The following RBBP4 variants were observed in gnomAD, a reference collection of about 807,000 sequenced individuals.
RBBP4 encodes histone-binding protein RBBP4.
Under a neutral mutation model 57.2 loss-of-function variants are expected in RBBP4, and 3 were observed. The ratio of observed to expected loss-of-function variants is 0.05; its 90% confidence interval spans 0.02 to 0.14. RBBP4 has a LOEUF of 0.14. RBBP4 is among the 10% of genes least tolerant of loss of function. The pLI is 1.00. For synonymous variants in RBBP4, 151 were observed against 171.5 expected (o/e 0.88, Z 0.93); for missense variants, 107 against 520.6 (o/e 0.21, Z 7.73).
rs757594918 is a variant in RBBP4, at chr1:32,668,868, C to G, written c.600+14C>G. On this transcript the variant is annotated intron_variant, in intron 5 of 11. Transcript: ENST00000373493. ...TCAGATGACCATGTGTGTATCCTTC[C>G]CATTTTGAAGCAAATCTGGGCTAGT... 1 of 1,613,420 alleles carries G rather than the reference C, an allele frequency of 6.2e-7. No individual in the cohort carries two copies. Among genetic ancestry groups the G allele is most frequent in the South Asian group, 1.1e-5 (1 of 91,062 alleles).
chr1:32,664,839 C>T (rs2148523514), intron 3 of RBBP4, among the ~76,000 whole-genome samples: 1 of 152,168 alleles, frequency 6.6e-6, no homozygotes, highest in East Asian at 1.9e-4. Flanking sequence ...CCAATCACTG[C>T]AGTAAAGCAA....
In RBBP4 at chr1:32,680,884, C is replaced by CA. The variant is rs1553197484; in HGVS notation, c.*1179_*1180insA. The CA allele has an allele frequency of 4.0e-6, 1 of 252,286 alleles. No homozygotes were observed. The highest frequency in any genetic ancestry group is 7.5e-6 in the Non-Finnish European group (1 of 133,672). 15.6% of individuals were successfully genotyped at this position (252,286 alleles called of 1,614,324 possible). On this transcript the variant is annotated 3_prime_UTR_variant, in exon 12 of 12. Transcript: ENST00000373493. ...CACAGATTAGTCTTTGATAAGGTAA[C>CA]GTTTCTTTGAAGTCTATCTGTAGAG...
At position 32,680,359 on chromosome 1, in the gene RBBP4, T is replaced by G. The variant is rs1649354272; in HGVS notation, c.*654T>G. 1.5e-5 allele frequency: 6 copies of G among 404,968 alleles called. No individual in the cohort carries two copies. Among genetic ancestry groups the G allele is most frequent in the South Asian group, 1.8e-4 (2 of 11,330 alleles). The allele number at this position is 404,968 out of a possible 1,614,324, so 25.1% of individuals were successfully genotyped here. On this transcript the variant is annotated 3_prime_UTR_variant, in exon 12 of 12. Transcript: ENST00000373493. ...TGGTGTTTTTTTTTTTGTTGTTGGT[T>G]TTTTTTTTTTTTTTTTTAACTTGGG... is the stretch of plus-strand genomic sequence containing the variant.
In RBBP4 at chr1:32,669,189, A is replaced by C. The variant is rs755495114; in HGVS notation, c.762-42A>C. 2 of 1,610,622 alleles carry C rather than the reference A, an allele frequency of 1.2e-6. No individual in the cohort carries two copies. The highest frequency in any genetic ancestry group is 4.5e-5 in the East Asian group (2 of 44,832). ...TCTTGTCTAAGTTTTATGTTTAGTC[A>C]CCATTTCAAGGTTTTTTTCCTTTGT... is the stretch of plus-strand genomic sequence containing the variant. On this transcript the variant is annotated intron_variant, in intron 6 of 11. Coordinates refer to ENST00000373493, the MANE Select transcript of RBBP4 (RefSeq NM_005610.3). The surrounding 1 kb of genome is among the most constrained non-coding windows in gnomAD (Gnocchi z 4.9).
intron 2 of RBBP4, 109 bp downstream of exon 2, chr1:32,652,170 A>G (rs2148512006): frequency 7.7e-7 from 1 of 1,306,612 alleles, no homozygotes; most frequent in African/African-American, 1.5e-5. Context: ...TGTGATCAAA[A>G]CCTCTTGGTG....
chr1:32,684,238 G>C lies in RBBP4; in HGVS notation c.*4533G>C. On this transcript the variant is annotated 3_prime_UTR_variant, in exon 12 of 12. Coordinates refer to ENST00000373493, the MANE Select transcript of RBBP4 (RefSeq NM_005610.3). The stretch of plus-strand genomic sequence containing the variant: ...CCTCAGCCAGTATTAGATGAGATTT[G>C]TATAGCAGCAGAAACTGACTTATAA... The C allele has an allele frequency of 6.2e-7, 1 of 1,614,130 alleles. No individual in the cohort carries two copies.
At chr1:32,670,977 T>C (rs187062119) in intron 8 of RBBP4, among the ~76,000 whole-genome samples, 1 of 152,302 alleles carries the variant, frequency 6.6e-6, no homozygotes, top group East Asian at 1.9e-4. Context: ...GTGACGGTAT[T>C]CTTGCCTGGA....
intron 2 of RBBP4, among the ~76,000 whole-genome samples, chr1:32,653,653 T>TTG: frequency 2.1e-5 from 1 of 47,216 alleles, no homozygotes; most frequent in South Asian, 7.4e-4. Flanking sequence ...TTTTTTTTTT[T>TTG]TTTTTTGTTT....
At chr1:32,676,162 G>A (rs1358743773) in intron 11 of RBBP4, among the ~76,000 whole-genome samples, 2 of 152,164 alleles carry the variant, frequency 1.3e-5, no homozygotes, top group Non-Finnish European at 2.9e-5. Flanking sequence ...ATGACATAGC[G>A]AGACCCTGTC....
In RBBP4 at chr1:32,679,724, T is replaced by C; in HGVS notation, c.*19T>C. Reference sequence around the variant, plus strand: ...GTCCTAGATATGTCTTTACTTGTTGTGATTTTAGACTCCCCTTTTTTCTTC... The same window carrying C: ...GTCCTAGATATGTCTTTACTTGTTGCGATTTTAGACTCCCCTTTTTTCTTC... On this transcript the variant is annotated 3_prime_UTR_variant, in exon 12 of 12. Transcript: ENST00000373493. The C allele has an allele frequency of 1.2e-6, 2 of 1,612,788 alleles. No individual in the cohort carries two copies. Among genetic ancestry groups the C allele is most frequent in the Non-Finnish European group, 1.7e-6 (2 of 1,179,438 alleles).
intron 3 of RBBP4, chr1:32,662,229 C>G (rs1007170394): frequency 5.9e-6 from 2 of 340,040 alleles, no homozygotes; most frequent in Non-Finnish European, 1.2e-5. Flanking sequence ...AACAAACAGT[C>G]TCTCTCTGTC....
chr1:32,668,945 T>C (rs368708643), intron 5 of RBBP4, 27 bp from the exon 6 acceptor site: 28 of 1,613,544 alleles, frequency 1.7e-5, no homozygotes, highest in African/African-American at 2.7e-5. Flanking sequence ...ATCTTCCTTT[T>C]ATATAATGGT....
At chr1:32,654,377 C>G (rs974886304) in intron 2 of RBBP4, among the ~76,000 whole-genome samples, 4 of 152,020 alleles carry the variant, frequency 2.6e-5, no homozygotes, top group African/African-American at 9.7e-5. Flanking sequence ...CACCCTGTCT[C>G]AAAGAAAAAG....
Position 32,669,213 on chromosome 1 carries a change from G to GT in RBBP4, c.762-9dup, listed in dbSNP as rs111859546. ...CACCATTTCAAGGTTTTTTTCCTTT[G>GT]TTTTTTTTTCACTGAAGTTGGGATA... is the stretch of plus-strand genomic sequence containing the variant. On this transcript the variant is annotated splice_polypyrimidine_tract_variant and intron_variant, in intron 6 of 11. Coordinates refer to ENST00000373493, the MANE Select transcript of RBBP4 (RefSeq NM_005610.3). This position sits in a 1 kb window ranked among gnomAD's most constrained non-coding sequence, Gnocchi z 4.9. 4,037 of 1,585,898 alleles carry GT rather than the reference G, an allele frequency of 2.5e-3. 43 individuals are homozygous for GT. The East Asian group carries it at 0.029, about 11-fold the overall frequency.
intron 11 of RBBP4, 146 bp from the exon 12 acceptor site, chr1:32,679,494 C>T: frequency 5.1e-6 from 3 of 588,614 alleles, no homozygotes; most frequent in Non-Finnish European, 5.5e-6. Flanking sequence ...TACTTTCATC[C>T]AAGAGTTGAA....
Position 32,652,813 on chromosome 1 carries a change from C to T in RBBP4, c.164+752C>T, listed in dbSNP as rs540436466. On this transcript the variant is annotated intron_variant, in intron 2 of 11. Transcript: ENST00000373493. ...CGCCCGCCTCTGCCTCCCAAAGTGCCGGGATTACAGGCGTGAGCCACTGCA... is the reference window on the plus strand; with the variant it reads ...CGCCCGCCTCTGCCTCCCAAAGTGCTGGGATTACAGGCGTGAGCCACTGCA... Among the ~76,000 whole-genome samples the T allele has an allele frequency of 1.1e-3, 171 of 152,220 alleles. 2 individuals carry two copies. The highest frequency in any genetic ancestry group is 3.4e-3 in the Middle Eastern group (1 of 294).
Position 32,663,183 on chromosome 1 carries a change from A to C in RBBP4, c.311-5042A>C, listed in dbSNP as rs1648498130. On this transcript the variant is annotated intron_variant, in intron 3 of 11. Transcript: ENST00000373493. ...GACATAGTATTGACTGGGAAGACAC[A>C]GTTCATACCTTCTGGTAAGATGGGA... Among the ~76,000 whole-genome samples the C allele has an allele frequency of 3.3e-5, 5 of 152,136 alleles. No homozygotes were observed. The South Asian group carries it at 1.0e-3, about 32-fold the overall frequency.
At chr1:32,670,269 C>T (rs1317903053) in intron 8 of RBBP4, among the ~76,000 whole-genome samples, 5 of 152,180 alleles carry the variant, frequency 3.3e-5, no homozygotes, top group African/African-American at 7.2e-5. Context: ...CTCTTCCCTT[C>T]TTCCAATATA....
chr1:32,660,916 C>G (rs1648376281), intron 3 of RBBP4, among the ~76,000 whole-genome samples: 1 of 152,126 alleles, frequency 6.6e-6, no homozygotes, highest in African/African-American at 2.4e-5. Flanking sequence ...CTCAAGCAGT[C>G]CTCCTGCCTC....
Sources: gnomAD v4.1 joint callset for allele counts (sites outside exome capture counted in the v4.1 genomes callset) on GRCh38, gnomAD v4.1.1 for gene constraint, Gnocchi (gnomAD v3.1) non-coding constraint, MANE v1.5 for transcripts, NCBI Gene and HGNC (gene_info 2026-07-23, HGNC 2026-07-21) for gene names.